The following ADAMTSL1 variants were observed in gnomAD, a reference collection of about 807,000 sequenced individuals.
ADAMTSL1 encodes ADAMTS-like protein 1.
Under a neutral mutation model 201.8 loss-of-function variants are expected in ADAMTSL1, and 126 were observed. The ratio of observed to expected loss-of-function variants is 0.62; its 90% CI spans 0.54 to 0.72. ADAMTSL1 has a LOEUF of 0.72. Among genes scored for constraint, ADAMTSL1 ranks in the 30% least tolerant of loss-of-function variants. ADAMTSL1 has a pLI of 0.00. For missense variants in ADAMTSL1, 2,679 were observed against 2,277.8 expected (o/e 1.18, Z -3.59); for synonymous variants, 1,121 against 903.4 (o/e 1.24, Z -4.32).
intron 3 of ADAMTSL1, chr9:18,573,185 C>T (rs935057318): frequency 1.3e-5 from 2 of 152,904 alleles, no homozygotes; most frequent in African/African-American, 4.8e-5. Context: ...TACTCCATCC[C>T]TTTGCCTTCT....
intron 2 of ADAMTSL1, among the ~76,000 whole-genome samples, chr9:18,345,101 A>G (rs1304702586): frequency 1.3e-5 from 2 of 152,070 alleles, no homozygotes; most frequent in Non-Finnish European, 2.9e-5. Flanking sequence ...CTTTCCTCAC[A>G]TTCACTTTCA....
chr9:18,666,495 G>A (rs1460089092), intron 9 of ADAMTSL1, among the ~76,000 whole-genome samples: 1 of 152,096 alleles, frequency 6.6e-6, no homozygotes, highest in Admixed American at 6.6e-5. Context: ...CTGCATGTCA[G>A]GGATCTACCA....
chr9:18,053,066 A>G (rs1467508040), intron 1 of ADAMTSL1, among the ~76,000 whole-genome samples: 1 of 152,244 alleles, frequency 6.6e-6, no homozygotes, highest in Non-Finnish European at 1.5e-5. Flanking sequence ...GGTCAAAATC[A>G]AAATCCATAA....
chr9:18,183,558 A>G (rs1238988765), intron 2 of ADAMTSL1, among the ~76,000 whole-genome samples: 4 of 152,174 alleles, frequency 2.6e-5, no homozygotes, highest in Non-Finnish European at 4.4e-5. Flanking sequence ...TGGGCCAAAG[A>G]CCTTAACAGA....
At chr9:18,891,892 T>TA (rs1829297113) in intron 25 of ADAMTSL1, among the ~76,000 whole-genome samples, 1 of 152,154 alleles carries the variant, frequency 6.6e-6, no homozygotes, top group Non-Finnish European at 1.5e-5. Flanking sequence ...AACAACAAAT[T>TA]TATTCTCTTA....
rs62549132 is a variant in ADAMTSL1, at chr9:18,829,745, C to T, written c.4115-98C>T. On this transcript the variant is annotated intron_variant, in intron 22 of 28. Transcript: ENST00000380548. ...AATAGTAATGCCTATCTTACATATA[C>T]GCATACATGTGCACACACATGCATA... The T allele has an allele frequency of 1.3e-3, 1,841 of 1,417,706 alleles. 13 individuals are homozygous for T. The highest frequency in any genetic ancestry group is 0.012 in the African/African-American group (866 of 70,726). The allele number at this position is 1,417,706 out of a possible 1,614,324, so 87.8% of individuals were successfully genotyped here.
At chr9:18,364,256 A>T (rs1236293133) in intron 2 of ADAMTSL1, among the ~76,000 whole-genome samples, 2 of 152,086 alleles carry the variant, frequency 1.3e-5, no homozygotes, top group African/African-American at 4.8e-5. Flanking sequence ...TCAGTGAGAA[A>T]AACCACCTGG....
At chr9:18,482,671 AG>A (rs1821788408) in intron 1 of ADAMTSL1, among the ~76,000 whole-genome samples, 1 of 152,248 alleles carries the variant, frequency 6.6e-6, no homozygotes, top group African/African-American at 2.4e-5. Context: ...AAGGTATGGT[AG>A]GGTATCTGAT....
In ADAMTSL1 at chr9:18,062,211, C is replaced by A. The variant is rs146346775; in HGVS notation, c.88-101651C>A. ...TTCTGGAACATTTCAGGTTTACAAC[C>A]TTTTCTTCTGATTGAAAAATGTCAT... On this transcript the variant is annotated intron_variant, in intron 1 of 29. Transcript: ENST00000680146. 4.1e-3 allele frequency among the ~76,000 whole-genome samples: 626 copies of A among 152,260 alleles called. 8 individuals are homozygous for A. In the South Asian group the frequency reaches 0.05, roughly 12 times the overall value.
At chr9:18,817,259 G>C in intron 21 of ADAMTSL1, 22 bp downstream of exon 21, 1 of 1,549,476 alleles carries the variant, frequency 6.5e-7, no homozygotes, top group Non-Finnish European at 8.7e-7. Flanking sequence ...ATGTTCATTT[G>C]TTCACACGTT....
chr9:18,583,786 C>A (rs1178890980), intron 4 of ADAMTSL1, among the ~76,000 whole-genome samples: 1 of 152,196 alleles, frequency 6.6e-6, no homozygotes, highest in Non-Finnish European at 1.5e-5. Flanking sequence ...CAAAGGAAAT[C>A]ACTTTGGGGC....
chr9:18,332,976 G>A (rs1182325121), intron 2 of ADAMTSL1, among the ~76,000 whole-genome samples: 1 of 152,120 alleles, frequency 6.6e-6, no homozygotes, highest in Non-Finnish European at 1.5e-5. Context: ...TTATGTACAA[G>A]AAGCACCCAA....
intron 2 of ADAMTSL1, among the ~76,000 whole-genome samples, chr9:18,311,445 C>G (rs531875001): frequency 3.9e-5 from 6 of 152,102 alleles, no homozygotes; most frequent in Non-Finnish European, 8.8e-5. Flanking sequence ...AATGTGTTTT[C>G]CACTCCAGAG....
chr9:18,002,501 A>G (rs61414288), intron 1 of ADAMTSL1, among the ~76,000 whole-genome samples: 12,429 of 152,074 alleles, frequency 0.082, 561 homozygotes, highest in African/African-American at 0.11. Context: ...TAATGTAACT[A>G]TTATTACTAG....
chr9:18,860,665 C>T (rs1827157389), intron 23 of ADAMTSL1, among the ~76,000 whole-genome samples: 1 of 151,988 alleles, frequency 6.6e-6, no homozygotes, highest in Admixed American at 6.6e-5. Flanking sequence ...TTCCCAATTC[C>T]CACCCCCACC....
chr9:18,857,420 A>G (rs1826929397), intron 23 of ADAMTSL1, among the ~76,000 whole-genome samples: 1 of 152,218 alleles, frequency 6.6e-6, no homozygotes, highest in Non-Finnish European at 1.5e-5. Context: ...ACGCTTCTGA[A>G]GATGATAGGC....
chr9:18,889,496 T>G, intron 24 of ADAMTSL1, 72 bp from the exon 25 acceptor site: 1 of 1,526,276 alleles, frequency 6.6e-7, no homozygotes, highest in Non-Finnish European at 9.0e-7. Flanking sequence ...CTCCCTGCCC[T>G]GCTCAGAAGG....
At chr9:18,863,997 T>A (rs1202620453) in intron 23 of ADAMTSL1, among the ~76,000 whole-genome samples, 1 of 152,226 alleles carries the variant, frequency 6.6e-6, no homozygotes, top group Non-Finnish European at 1.5e-5. Flanking sequence ...AGGATTGTAA[T>A]GAAAATGCTG....
intron 1 of ADAMTSL1, among the ~76,000 whole-genome samples, chr9:18,075,854 A>G (rs1483161548): frequency 2.0e-5 from 3 of 152,174 alleles, no homozygotes; most frequent in African/African-American, 7.2e-5. Context: ...TGCCTGTAAA[A>G]GGTGCTGAGT....
Sources: allele counts gnomAD v4.1 joint callset (sites outside exome capture counted in the v4.1 genomes callset), GRCh38; gene constraint gnomAD v4.1.1; transcripts MANE v1.5; gene names NCBI Gene and HGNC (gene_info 2026-07-23, HGNC 2026-07-21).